The following UGT1A7 variants were observed in gnomAD, a reference collection of about 807,000 sequenced individuals.
UGT1A7 encodes the protein UDP glucuronosyltransferase family 1 member A7.
A neutral mutation model predicts 45.6 loss-of-function variants in UGT1A7; 33 were observed. The ratio of observed to expected loss-of-function variants is 0.72; its 90% confidence interval spans 0.55 to 0.97. UGT1A7 has a LOEUF of 0.97. Ranked by LOEUF, UGT1A7 falls within the 50% of genes least tolerant of loss-of-function variation. UGT1A7 has a pLI of 0.00. For synonymous variants in UGT1A7, 274 were observed against 250.6 expected (o/e 1.09, Z -0.88); for missense variants, 684 against 666.2 (o/e 1.03, Z -0.29).
chr2:233,733,606 A>G (rs921303944), intron 1 of UGT1A7, among the ~76,000 whole-genome samples: 5 of 152,192 alleles, frequency 3.3e-5, no homozygotes, highest in African/African-American at 1.2e-4. Context: ...GATGGATTAC[A>G]TTTATTGATT....
chr2:233,772,918 G>T lies in UGT1A7; in HGVS notation c.*359G>T. The stretch of plus-strand genomic sequence containing the variant: ...CCCACGGCTGCCCCTACTGCAAATG[G>T]CAGTTTTAATCTTATCTTTTGGCTT... On this transcript the variant is annotated 3_prime_UTR_variant, in exon 5 of 5. Coordinates refer to ENST00000373426, the MANE Select transcript of UGT1A7 (RefSeq NM_019077.3). 5.3e-6 allele frequency: 2 copies of T among 377,338 alleles called. No homozygotes were observed. The highest frequency in any genetic ancestry group is 2.9e-5 in the South Asian group (1 of 34,748). The allele number at this position is 377,338 out of a possible 1,614,324, so 23.4% of individuals were successfully genotyped here.
intron 1 of UGT1A7, chr2:233,747,383 G>C: frequency 6.2e-7 from 1 of 1,605,558 alleles, no homozygotes; most frequent in Non-Finnish European, 8.5e-7. Context: ...GAGGCCACCA[G>C]GCGGTGGTCC....
chr2:233,713,370 T>A (rs1249114309), intron 1 of UGT1A7: 1 of 1,613,964 alleles, frequency 6.2e-7, no homozygotes, highest in Admixed American at 1.7e-5. Flanking sequence ...CATACATAGG[T>A]CTTGTGTGGA....
intron 1 of UGT1A7, chr2:233,713,775 G>T: frequency 6.2e-7 from 1 of 1,614,026 alleles, no homozygotes; most frequent in Non-Finnish European, 8.5e-7. Flanking sequence ...AGGGGACTTT[G>T]TGATGGATTA....
At chr2:233,754,911 T>G (rs1467040876) in intron 1 of UGT1A7, 5 of 1,353,490 alleles carry the variant, frequency 3.7e-6, no homozygotes, top group Non-Finnish European at 5.0e-6. Flanking sequence ...CAAAATATTC[T>G]CCAGCGGGTT....
chr2:233,729,665 T>C, intron 1 of UGT1A7: 1 of 1,613,966 alleles, frequency 6.2e-7, no homozygotes, highest in Non-Finnish European at 8.5e-7. Context: ...CCATGTGATT[T>C]AGACTTTAAG....
intron 1 of UGT1A7, among the ~76,000 whole-genome samples, chr2:233,763,201 A>G (rs1698260183): frequency 6.6e-6 from 1 of 152,250 alleles, no homozygotes; most frequent in South Asian, 2.1e-4. Flanking sequence ...TGTTTGGTGC[A>G]GTCAGGCTTA....
At position 233,747,357 on chromosome 2, in the gene UGT1A7, C is replaced by T. The variant is rs115834808; in HGVS notation, c.856-19677C>T. On this transcript the variant is annotated intron_variant, in intron 1 of 4. Coordinates refer to ENST00000373426, the MANE Select transcript of UGT1A7 (RefSeq NM_019077.3). ...ACTGGCTCGCATGCGGGAGGCCGTG[C>T]GGGAGCTCCATGCCAGAGGCCACCA... 7.9e-3 allele frequency: 12,675 copies of T among 1,602,394 alleles called. 83 individuals are homozygous for T. The highest frequency in any genetic ancestry group is 9.8e-3 in the Non-Finnish European group (11,526 of 1,171,410).
intron 1 of UGT1A7, among the ~76,000 whole-genome samples, chr2:233,684,050 C>T (rs896888623): frequency 6.6e-6 from 1 of 152,098 alleles, no homozygotes; most frequent in African/African-American, 2.4e-5. Context: ...GGTGAAACAC[C>T]TGGTGTCTGA....
At chr2:233,732,944 A>G (rs2078339479) in intron 1 of UGT1A7, among the ~76,000 whole-genome samples, 2 of 152,256 alleles carry the variant, frequency 1.3e-5, no homozygotes, top group Admixed American at 1.3e-4. Flanking sequence ...ATCCATGAGC[A>G]TGGAATGTTC....
chr2:233,690,627 A>G (rs1452524634), intron 1 of UGT1A7: 2 of 1,288,586 alleles, frequency 1.6e-6, no homozygotes, highest in Non-Finnish European at 2.0e-6. Context: ...CACTCAAGTG[A>G]TACCTGAGGA....
At chr2:233,760,844 GCC>G in intron 1 of UGT1A7, 1 of 1,613,986 alleles carries the variant, frequency 6.2e-7, no homozygotes, top group Non-Finnish European at 8.5e-7. Flanking sequence ...GCTACCCAGT[GCC>G]CCAACCCATT....
intron 1 of UGT1A7, chr2:233,760,705 C>T: frequency 1.2e-6 from 2 of 1,614,220 alleles, no homozygotes; most frequent in Non-Finnish European, 1.7e-6. Flanking sequence ...CATGGCCTCC[C>T]TGGCAGAAAG....
intron 1 of UGT1A7, among the ~76,000 whole-genome samples, chr2:233,721,093 C>G (rs2076921307): frequency 6.6e-6 from 1 of 151,954 alleles, no homozygotes; most frequent in Admixed American, 6.6e-5. Flanking sequence ...GAGTTTAGGT[C>G]CTTTGTATTC....
intron 1 of UGT1A7, chr2:233,754,464 G>A (rs748886391): frequency 1.4e-5 from 5 of 356,342 alleles, no homozygotes; most frequent in Non-Finnish European, 2.2e-5. Flanking sequence ...CAGCTGTTCT[G>A]AAAGTAAAGT....
intron 1 of UGT1A7, among the ~76,000 whole-genome samples, chr2:233,728,411 T>C (rs945344211): frequency 6.6e-6 from 1 of 152,174 alleles, no homozygotes; most frequent in African/African-American, 2.4e-5. Context: ...GTGCTTTAGA[T>C]AGCAGCACCT....
At chr2:233,690,793 A>G in intron 1 of UGT1A7, 2 of 1,142,860 alleles carry the variant, frequency 1.7e-6, no homozygotes, top group Non-Finnish European at 2.2e-6. Flanking sequence ...ACACACACAC[A>G]CACACACCAT....
intron 1 of UGT1A7, among the ~76,000 whole-genome samples, chr2:233,765,217 G>C (rs1406021636): frequency 6.6e-6 from 1 of 152,092 alleles, no homozygotes; most frequent in Non-Finnish European, 1.5e-5. Flanking sequence ...AGTATTCTTT[G>C]CAAACATAAA....
chr2:233,746,871 T>C (rs1693501074), intron 1 of UGT1A7, among the ~76,000 whole-genome samples: 1 of 151,612 alleles, frequency 6.6e-6, no homozygotes, highest in Admixed American at 6.5e-5. Flanking sequence ...CTGATAAACG[T>C]GGTTAACAGA....
Sources: gnomAD v4.1 joint callset for allele counts (sites outside exome capture counted in the v4.1 genomes callset) on GRCh38, gnomAD v4.1.1 for gene constraint, MANE v1.5 for transcripts, NCBI Gene and HGNC (gene_info 2026-07-23, HGNC 2026-07-21) for gene names.